Variants in LPA observed in about 807,000 individuals in gnomAD.
LPA encodes apolipoprotein(a).
Under a neutral mutation model 197.9 loss-of-function variants are expected in LPA, and 199 were observed. The ratio of observed to expected loss-of-function variants is 1.01; its 90% CI spans 0.90 to 1.13. LPA has a LOEUF of 1.13. Among genes scored for constraint, LPA ranks in the 50% most tolerant of loss-of-function variants. The pLI is 0.00. For synonymous variants in LPA, 715 were observed against 639.5 expected, an observed-to-expected ratio of 1.12 and a Z score of -1.78; for missense variants, 1,853 against 1,785.8, an observed-to-expected ratio of 1.04 and a Z score of -0.68.
At chr6:160,589,134 C>T (rs1778973580) in intron 24 of LPA, among the ~76,000 whole-genome samples, 2 of 152,190 alleles carry the variant, frequency 1.3e-5, no homozygotes, top group Non-Finnish European at 2.9e-5. Context: ...ATCTCGAAGT[C>T]AATATAGATA....
At chr6:160,605,461 A>G (rs1373808666) in intron 17 of LPA, among the ~76,000 whole-genome samples, 1 of 152,210 alleles carries the variant, frequency 6.6e-6, no homozygotes, top group Non-Finnish European at 1.5e-5. Context: ...TATTTCACAT[A>G]AAAGCTTAGA....
chr6:160,584,989 G>T, intron 26 of LPA, 57 bp downstream of exon 26: 1 of 1,577,738 alleles, frequency 6.3e-7, no homozygotes, highest in Non-Finnish European at 8.7e-7. Context: ...GCATGGGCCA[G>T]CTAAGAGAAA....
At chr6:160,663,785 G>A (rs1162955943) in intron 1 of LPA, among the ~76,000 whole-genome samples, 1 of 152,206 alleles carries the variant, frequency 6.6e-6, no homozygotes, top group African/African-American at 2.4e-5. Flanking sequence ...CAACTTGCTA[G>A]TGAGGGGAGC....
Position 160,578,568 on chromosome 6 carries a change from G to A in LPA, c.4426C>T (p.Pro1476Ser), listed in dbSNP as rs773636480. ...GTGCTTGGAACCGGGGCCACTGTGG[G>A]AGTTGTGAGGACACTCGATTCTGTC... ...PVTESSVLTTPTVAPVPSTEA... is the reference protein window; with the variant it reads ...PVTESSVLTTSTVAPVPSTEA... The change falls in exon 27 of 39, where the codon CCC becomes TCC. Residue 1476 changes from proline to serine, a missense_variant. Transcript: ENST00000316300. 2.5e-6 allele frequency: 4 copies of A among 1,613,900 alleles called. No homozygotes were observed. Among genetic ancestry groups the A allele is most frequent in the South Asian group, 1.1e-5 (1 of 91,084 alleles).
At chr6:160,653,941 T>A (rs59275096) in intron 1 of LPA, among the ~76,000 whole-genome samples, 3 of 48,288 alleles carry the variant, frequency 6.2e-5, no homozygotes, top group Non-Finnish European at 7.3e-5. Context: ...TATATATATT[T>A]TATATATATT....
chr6:160,615,352 T>TTGTGTGTGTGTGTGTGTG (rs370743567), intron 14 of LPA, among the ~76,000 whole-genome samples: 1 of 122,232 alleles, frequency 8.2e-6, no homozygotes, highest in Admixed American at 7.9e-5. Flanking sequence ...TGTTTTCAGT[T>TTGTGTGTGTGTGTGTGTG]TGTGTGTGTG....
At chr6:160,572,162 G>T (rs1583587263) in intron 28 of LPA, among the ~76,000 whole-genome samples, 1 of 152,302 alleles carries the variant, frequency 6.6e-6, no homozygotes, top group East Asian at 1.9e-4. Flanking sequence ...CCCAGGTGAG[G>T]TGACACCCCA....
intron 28 of LPA, among the ~76,000 whole-genome samples, chr6:160,558,128 C>T (rs185730269): frequency 1.3e-5 from 2 of 152,024 alleles, no homozygotes; most frequent in South Asian, 4.1e-4. Flanking sequence ...ACCGTGTTAG[C>T]CAGGATGGTC....
chr6:160,541,156 T>C lies in LPA; in HGVS notation c.5545A>G (p.Thr1849Ala), dbSNP rs777035527. 28 of 1,614,082 alleles carry C rather than the reference T, an allele frequency of 1.7e-5. No homozygotes were observed. Among genetic ancestry groups the C allele is most frequent in the Non-Finnish European group, 2.3e-5 (27 of 1,179,956 alleles). The part of the protein sequence containing the change: ...TRFGKHFCGG[T>A]LISPEWVLTA... ...AGCACCCACTCTGGGGATATTAAGG[T>C]GCCTCCACAGAAGTGCTTTCCAAAC... is the stretch of plus-strand genomic sequence containing the variant. The change falls in exon 35 of 39, where the codon ACC becomes GCC. Residue 1849 changes from threonine to alanine, a missense_variant. Thr to Ala is a moderately conservative substitution (Grantham distance 58). Coordinates refer to ENST00000316300, the MANE Select transcript of LPA (RefSeq NM_005577.4).
intron 36 of LPA, among the ~76,000 whole-genome samples, chr6:160,538,724 C>A (rs1408677550): frequency 6.6e-6 from 1 of 152,166 alleles, no homozygotes; most frequent in Non-Finnish European, 1.5e-5. Context: ...GAAGGCCCAG[C>A]CTGTGATGCA....
intron 37 of LPA, among the ~76,000 whole-genome samples, chr6:160,535,977 C>G (rs1777888813): frequency 6.6e-6 from 1 of 152,168 alleles, no homozygotes; most frequent in Non-Finnish European, 1.5e-5. Flanking sequence ...AAGGATCTAT[C>G]TAACTTTTGC....
At chr6:160,563,831 C>T (rs1778403218) in intron 28 of LPA, among the ~76,000 whole-genome samples, 1 of 152,192 alleles carries the variant, frequency 6.6e-6, no homozygotes, top group South Asian at 2.1e-4. Flanking sequence ...CCTCCTTTGT[C>T]TCTTTTGATC....
intron 1 of LPA, among the ~76,000 whole-genome samples, chr6:160,654,020 AATATATAATATATATT>A (rs1562354803): frequency 0.096 from 359 of 3,756 alleles, 24 homozygotes; most frequent in Non-Finnish European, 0.2. Flanking sequence ...TATTATATAT[AATATATAATATATATT>A]ATATATAATA....
chr6:160,602,478 C>T (rs1779263171), intron 18 of LPA, among the ~76,000 whole-genome samples: 2 of 152,144 alleles, frequency 1.3e-5, no homozygotes, highest in Admixed American at 1.3e-4. Context: ...AAATATATTG[C>T]TATCATTTTG....
intron 30 of LPA, among the ~76,000 whole-genome samples, chr6:160,554,007 T>C (rs898282739): frequency 4.0e-5 from 6 of 151,344 alleles, no homozygotes; most frequent in African/African-American, 9.7e-5. Context: ...ATGGCTTTCA[T>C]TGAGTTATCT....
chr6:160,595,538 G>A lies in LPA; in HGVS notation c.3288-3C>T. ...TGCAGTAGTTCCTGGTCAGGCCACT[G>A]CAAATTTCAAAACAACACAGGTCAC... On this transcript the variant is annotated splice_region_variant and splice_polypyrimidine_tract_variant and intron_variant, in intron 20 of 38. Coordinates refer to ENST00000316300, the MANE Select transcript of LPA (RefSeq NM_005577.4). The A allele has an allele frequency of 1.2e-6, 2 of 1,613,898 alleles. No individual in the cohort carries two copies. Among genetic ancestry groups the A allele is most frequent in the Non-Finnish European group, 1.7e-6 (2 of 1,179,890 alleles).
chr6:160,535,214 A>G (rs1157973332), intron 37 of LPA, among the ~76,000 whole-genome samples: 1 of 144,548 alleles, frequency 6.9e-6, no homozygotes, highest in Non-Finnish European at 1.5e-5. Flanking sequence ...GATAATACAG[A>G]TGAGGAAATA....
Position 160,578,597 on chromosome 6 carries a change from G to A in LPA, c.4397C>T (p.Pro1466Leu). ...TGTGAGGACACTCGATTCTGTCACT[G>A]GACATCGTGTCAGGTTGCAGTACTC... Reference protein sequence around the residue: ...RWEYCNLTRCPVTESSVLTTP... With the variant: ...RWEYCNLTRCLVTESSVLTTP... Residue 1466 changes from proline to leucine, a missense_variant, in exon 27 of 39, where the codon CCA becomes CTA. Around this residue, in one of 3 missense-constraint regions of LPA, gnomAD observed 1,737 missense variants for 1,504.4 expected, o/e 1.15. Transcript: ENST00000316300. 3 of 1,614,018 alleles carry A rather than the reference G, an allele frequency of 1.9e-6. No individual in the cohort carries two copies. Among genetic ancestry groups the A allele is most frequent in the Non-Finnish European group, 2.5e-6 (3 of 1,179,928 alleles).
At chr6:160,609,238 G>C (rs1450875962) in intron 16 of LPA, among the ~76,000 whole-genome samples, 1 of 151,768 alleles carries the variant, frequency 6.6e-6, no homozygotes, top group Non-Finnish European at 1.5e-5. Context: ...TCTTTGTTTT[G>C]GGCAGTGCAC....
Sources: gnomAD v4.1 joint callset for allele counts (sites outside exome capture counted in the v4.1 genomes callset) on GRCh38, gnomAD v4.1.1 for gene constraint, gnomAD v4.1.1 regional missense constraint, MANE v1.5 for transcripts, NCBI Gene and HGNC (gene_info 2026-07-23, HGNC 2026-07-21) for gene names.